The following ASIC2 variants were observed in gnomAD, a reference collection of about 807,000 sequenced individuals.
The protein encoded by ASIC2 is acid sensing ion channel subunit 2, also known as acid-sensing ion channel 2.
ASIC2 carries 25 observed loss-of-function variants against 57.3 expected under a neutral mutation model. The ratio of observed to expected loss-of-function variants is 0.44; its 90% CI spans 0.32 to 0.61. ASIC2 has a LOEUF of 0.61. ASIC2 is among the 20% of genes least tolerant of loss of function. The pLI is 0.06. For synonymous variants in ASIC2, 319 were observed against 307.5 expected (o/e 1.04, Z -0.39); for missense variants, 641 against 738.1 (o/e 0.87, Z 1.52).
chr17:33,150,412 C>T (rs1374163298), intron 1 of ASIC2, among the ~76,000 whole-genome samples: 1 of 152,134 alleles, frequency 6.6e-6, no homozygotes, highest in Non-Finnish European at 1.5e-5. Context: ...TTTTTGCCTC[C>T]AAAGGAATGC....
At chr17:33,129,342 A>T (rs1055142092) in intron 1 of ASIC2, among the ~76,000 whole-genome samples, 1 of 152,270 alleles carries the variant, frequency 6.6e-6, no homozygotes, top group African/African-American at 2.4e-5. Flanking sequence ...AAACAAAAAA[A>T]GAAATGGCTG....
intron 1 of ASIC2, among the ~76,000 whole-genome samples, chr17:33,770,956 A>G (rs976714797): frequency 6.6e-6 from 1 of 152,146 alleles, no homozygotes; most frequent in Non-Finnish European, 1.5e-5. Flanking sequence ...TCTGTGGTCA[A>G]TGGGCTATCA....
chr17:33,380,712 T>C (rs913941829), intron 1 of ASIC2, among the ~76,000 whole-genome samples: 5 of 152,226 alleles, frequency 3.3e-5, no homozygotes, highest in African/African-American at 1.2e-4. Context: ...GGATGCAACA[T>C]TCCCCAAAGA....
At chr17:33,895,437 C>T (rs898054091) in intron 1 of ASIC2, among the ~76,000 whole-genome samples, 4 of 152,110 alleles carry the variant, frequency 2.6e-5, no homozygotes, top group Non-Finnish European at 5.9e-5. Context: ...CCACCACACC[C>T]GGCCTGAATA....
At chr17:33,025,829 T>A (rs1481534445) in intron 5 of ASIC2, 97 bp downstream of exon 5, 1 of 1,241,690 alleles carries the variant, frequency 8.1e-7, no homozygotes, top group African/African-American at 1.5e-5. Flanking sequence ...TCTCCATTCC[T>A]TCTTCCACTT....
intron 1 of ASIC2, among the ~76,000 whole-genome samples, chr17:34,089,304 C>T (rs1011060227): frequency 5.3e-5 from 8 of 152,206 alleles, no homozygotes; most frequent in African/African-American, 1.9e-4. Context: ...ATAGAGGGTA[C>T]ACTATGACAC....
intron 1 of ASIC2, among the ~76,000 whole-genome samples, chr17:33,953,221 G>A (rs1429571502): frequency 2.0e-5 from 3 of 151,896 alleles, no homozygotes; most frequent in South Asian, 2.1e-4. Flanking sequence ...TTATATACAC[G>A]TGCACACATA....
At chr17:33,674,060 A>AT (rs1907729589) in intron 1 of ASIC2, among the ~76,000 whole-genome samples, 1 of 152,036 alleles carries the variant, frequency 6.6e-6, no homozygotes, top group East Asian at 1.9e-4. Context: ...AGCCCAGCTA[A>AT]TTTTTTTGTA....
intron 1 of ASIC2, among the ~76,000 whole-genome samples, chr17:33,623,242 TTTTGTTTG>T (rs142797034): frequency 3.8e-3 from 282 of 73,886 alleles, no homozygotes; most frequent in Non-Finnish European, 4.6e-3. Flanking sequence ...TATCGTTTTT[TTTTGTTTG>T]TTTGTTTGTT....
chr17:34,122,761 C>T (rs979960992), intron 1 of ASIC2, among the ~76,000 whole-genome samples: 3 of 152,148 alleles, frequency 2.0e-5, no homozygotes, highest in African/African-American at 4.8e-5. Context: ...TTGTTGGAGG[C>T]AAAGACCAAT....
intron 1 of ASIC2, among the ~76,000 whole-genome samples, chr17:33,771,549 G>GT (rs142515059): frequency 2.0e-4 from 30 of 148,572 alleles, no homozygotes; most frequent in East Asian, 1.8e-3. Flanking sequence ...TTACATTAGT[G>GT]TTTTTTTTTT....
intron 1 of ASIC2, among the ~76,000 whole-genome samples, chr17:33,318,089 G>A (rs769785859): frequency 2.0e-5 from 3 of 152,144 alleles, no homozygotes; most frequent in East Asian, 1.9e-4. Flanking sequence ...ATTAAACATC[G>A]TTAAGGCAGC....
intron 1 of ASIC2, among the ~76,000 whole-genome samples, chr17:33,477,216 CA>C (rs965191014): frequency 2.0e-5 from 3 of 152,066 alleles, no homozygotes; most frequent in African/African-American, 7.2e-5. Flanking sequence ...TCTATCCATG[CA>C]AAATATCACC....
intron 3 of ASIC2, among the ~76,000 whole-genome samples, chr17:33,064,032 T>G (rs184183634): frequency 2.0e-3 from 306 of 152,364 alleles, no homozygotes; most frequent in African/African-American, 7.1e-3. Context: ...AGGACTTCTC[T>G]GCATTGGTTA....
chr17:33,506,381 C>G (rs535070701), intron 1 of ASIC2, among the ~76,000 whole-genome samples: 1 of 151,230 alleles, frequency 6.6e-6, no homozygotes, highest in Non-Finnish European at 1.5e-5. Context: ...CCACTGCACT[C>G]CAGCCTGGGT....
chr17:33,845,857 G>A (rs998179700), intron 1 of ASIC2, among the ~76,000 whole-genome samples: 1 of 152,110 alleles, frequency 6.6e-6, no homozygotes, highest in Non-Finnish European at 1.5e-5. Flanking sequence ...GTAAGGATGA[G>A]GCCACATTAT....
chr17:33,037,479 G>A lies in ASIC2; in HGVS notation c.988-9087C>T, dbSNP rs62068277. Among the ~76,000 whole-genome samples, 275 of 147,730 alleles carry A rather than the reference G, an allele frequency of 1.9e-3. 1 individual carries two copies. Among genetic ancestry groups the A allele is most frequent in the Non-Finnish European group, 3.1e-3 (209 of 67,660 alleles). ...CTGGTTCATCATTTGCTCCATCAGCGTCTCTGAAGCCTCACACACAACAGC... is the reference window on the plus strand; with the variant it reads ...CTGGTTCATCATTTGCTCCATCAGCATCTCTGAAGCCTCACACACAACAGC... On this transcript the variant is annotated intron_variant, in intron 3 of 9. Coordinates refer to ENST00000225823, the MANE Select transcript of ASIC2 (RefSeq NM_183377.2).
chr17:33,853,343 C>G (rs1488704731), intron 1 of ASIC2, among the ~76,000 whole-genome samples: 1 of 152,176 alleles, frequency 6.6e-6, no homozygotes, highest in Non-Finnish European at 1.5e-5. Flanking sequence ...CCCGGCCTGG[C>G]AGGGGACTGA....
intron 2 of ASIC2, among the ~76,000 whole-genome samples, chr17:33,107,512 T>C (rs2092239707): frequency 1.3e-5 from 2 of 152,212 alleles, no homozygotes; most frequent in African/African-American, 4.8e-5. Context: ...GGGCATACTC[T>C]CTAGGACCAC....
Sources: gnomAD v4.1 joint callset for allele counts (sites outside exome capture counted in the v4.1 genomes callset) on GRCh38, gnomAD v4.1.1 for gene constraint, MANE v1.5 for transcripts, NCBI Gene and HGNC (gene_info 2026-07-23, HGNC 2026-07-21) for gene names.